TRMT11: variants seen among roughly 807,000 people sequenced by gnomAD.
The protein encoded by TRMT11 is tRNA (guanine(10)-N(2))-methyltransferase TRMT11.
A neutral mutation model predicts 62.8 loss-of-function variants in TRMT11; 53 were observed. That is an observed-to-expected ratio of 0.84 (90% confidence interval 0.68 to 1.06). TRMT11 has a LOEUF of 1.06. Among genes scored for constraint, TRMT11 ranks in the 50% least tolerant of loss-of-function variants. TRMT11 has a pLI of 0.00. For synonymous variants in TRMT11, 188 were observed against 190.3 expected (o/e 0.99, Z 0.10); for missense variants, 556 against 553.4 (o/e 1.00, Z -0.05).
intron 21 of TRMT11, among the ~76,000 whole-genome samples, chr6:126,162,938 T>C (rs1331865849): frequency 1.3e-5 from 2 of 152,236 alleles, no homozygotes; most frequent in Non-Finnish European, 2.9e-5. Flanking sequence ...AAATTGCTTA[T>C]CAGCTTAAGG....
At chr6:126,226,495 G>T in the TRMT11 span, among the ~76,000 whole-genome samples, 1 of 151,992 alleles carries the variant, frequency 6.6e-6, no homozygotes, top group Admixed American at 6.6e-5. Flanking sequence ...TCGCATTAAA[G>T]AAAATTTCTT....
chr6:126,137,934 A>G (rs1228721746), intron 21 of TRMT11, among the ~76,000 whole-genome samples: 4 of 151,900 alleles, frequency 2.6e-5, no homozygotes, highest in Non-Finnish European at 5.9e-5. Flanking sequence ...TCATGGATAT[A>G]GAATAGAATA....
intron 17 of TRMT11, among the ~76,000 whole-genome samples, chr6:126,096,741 A>C (rs1201277645): frequency 1.3e-5 from 2 of 152,146 alleles, no homozygotes; most frequent in Non-Finnish European, 2.9e-5. Context: ...CTGTTCACTG[A>C]GGGATGATTT....
intron 8 of TRMT11, among the ~76,000 whole-genome samples, chr6:126,009,893 G>C (rs1793927676): frequency 6.6e-6 from 1 of 151,962 alleles, no homozygotes; most frequent in Non-Finnish European, 1.5e-5. Flanking sequence ...TCAGTCTACT[G>C]GGGTAGAATT....
At chr6:126,206,671 A>G (rs1238287269), downstream of TRMT11, among the ~76,000 whole-genome samples, 3 of 152,070 alleles carry the variant, frequency 2.0e-5, no homozygotes, top group African/African-American at 7.3e-5. Flanking sequence ...AACTCATACA[A>G]CTCTTTAAGC....
At chr6:126,090,219 C>T (rs1777259088) in intron 17 of TRMT11, among the ~76,000 whole-genome samples, 1 of 152,206 alleles carries the variant, frequency 6.6e-6, no homozygotes, top group Non-Finnish European at 1.5e-5. Context: ...GCAACTCTTT[C>T]TCATATGTCT....
At chr6:126,184,453 A>G (rs1444095743) in intron 1 of TRMT11, among the ~76,000 whole-genome samples, 4 of 152,226 alleles carry the variant, frequency 2.6e-5, no homozygotes, top group Non-Finnish European at 4.4e-5. Flanking sequence ...CTGCTATACT[A>G]TGCCAGAAAC....
the TRMT11 span, among the ~76,000 whole-genome samples, chr6:126,210,942 C>T: frequency 3.3e-5 from 5 of 151,444 alleles, no homozygotes; most frequent in Non-Finnish European, 7.4e-5. Context: ...ATGCCCTTCC[C>T]TGTAGCTTTG....
chr6:126,217,064 A>G, the TRMT11 span, among the ~76,000 whole-genome samples: 15 of 151,858 alleles, frequency 9.9e-5, 1 homozygote, highest in Non-Finnish European at 2.1e-4. Flanking sequence ...GTGTTTTTCA[A>G]CTCCCGAATT....
chr6:126,045,299 C>G (rs75910974), intron 16 of TRMT11, among the ~76,000 whole-genome samples: 1,604 of 152,052 alleles, frequency 0.011, 30 homozygotes, highest in African/African-American at 0.037. Flanking sequence ...ATGAATATGT[C>G]AGGCGCTTGC....
rs772264811 is a variant in TRMT11 at position 126,038,854 on chromosome 6, A to G, written c.*18A>G. 3 of 1,581,296 alleles carry G rather than the reference A, an allele frequency of 1.9e-6. No individual in the cohort carries two copies. The highest frequency in any genetic ancestry group is 4.5e-5 in the East Asian group (2 of 44,080). On this transcript the variant is annotated 3_prime_UTR_variant, in exon 13 of 13. Transcript: ENST00000334379. ...AGGAATGAAAATTAAGATTTTGACA[A>G]TGAAGAAAGAATAAGAATTTGATTT...
intron 21 of TRMT11, among the ~76,000 whole-genome samples, chr6:126,127,965 G>A (rs957257453): frequency 6.6e-6 from 1 of 152,006 alleles, no homozygotes; most frequent in African/African-American, 2.4e-5. Context: ...GTCATGACAG[G>A]AGATTCCTGC....
chr6:126,051,336 G>A (rs1474263041), intron 16 of TRMT11, among the ~76,000 whole-genome samples: 1 of 152,156 alleles, frequency 6.6e-6, no homozygotes, highest in Non-Finnish European at 1.5e-5. Context: ...ATGGTATGTA[G>A]GGAAACTGCA....
chr6:126,118,607 C>T (rs1266467737), intron 21 of TRMT11, among the ~76,000 whole-genome samples: 1 of 151,928 alleles, frequency 6.6e-6, no homozygotes, highest in East Asian at 1.9e-4. Flanking sequence ...TTTTTTTCTT[C>T]CTATTTCTTG....
chr6:126,110,663 T>C (rs1173927107), intron 17 of TRMT11, among the ~76,000 whole-genome samples: 8 of 152,114 alleles, frequency 5.3e-5, no homozygotes, highest in Admixed American at 2.6e-4. Context: ...ACAGAAACCA[T>C]AGAAACATGT....
At chr6:126,244,072 T>C in the TRMT11 span, among the ~76,000 whole-genome samples, 3 of 152,172 alleles carry the variant, frequency 2.0e-5, no homozygotes, top group African/African-American at 4.8e-5. Flanking sequence ...CTATATTTTC[T>C]AAAATGTTCT....
At chr6:126,157,187 T>C (rs1046969348) in intron 21 of TRMT11, among the ~76,000 whole-genome samples, 11 of 152,172 alleles carry the variant, frequency 7.2e-5, no homozygotes, top group Non-Finnish European at 1.6e-4. Context: ...TGCCCACCTC[T>C]GATACCTCGT....
chr6:126,177,111 C>T (rs1424397608), upstream of TRMT11: 2 of 151,608 alleles, frequency 1.3e-5, no homozygotes, highest in Non-Finnish European at 2.9e-5. Flanking sequence ...TCATCAGAGT[C>T]AAGAAAATTA....
At chr6:126,122,743 C>T (rs1163910183) in intron 21 of TRMT11, among the ~76,000 whole-genome samples, 1 of 152,046 alleles carries the variant, frequency 6.6e-6, no homozygotes, top group African/African-American at 2.4e-5. Context: ...GACAATTTCC[C>T]CTATATCTTT....
Sources: allele counts gnomAD v4.1 joint callset (sites outside exome capture counted in the v4.1 genomes callset), GRCh38; gene constraint gnomAD v4.1.1; transcripts MANE v1.5; gene names NCBI Gene and HGNC (gene_info 2026-07-23, HGNC 2026-07-21).